ALG1L2: variants seen among roughly 807,000 people sequenced by gnomAD.
The protein encoded by ALG1L2 is ALG1 chitobiosyldiphosphodolichol beta-mannosyltransferase like 2.
Under a neutral mutation model 29.0 loss-of-function variants are expected in ALG1L2, and 32 were observed. That is an observed-to-expected ratio of 1.10 (90% CI 0.83 to 1.48). The LOEUF is 1.48. Among genes scored for constraint, ALG1L2 ranks in the 40% most tolerant of loss-of-function variants. The pLI is 0.00. For synonymous variants in ALG1L2, 110 were observed against 109.5 expected (o/e 1.00, Z -0.03); for missense variants, 318 against 274.1 (o/e 1.16, Z -1.13).
chr3:130,085,244 G>T (rs1304666805), intron 1 of ALG1L2, among the ~76,000 whole-genome samples: 96 of 146,642 alleles, frequency 6.5e-4, no homozygotes, highest in Admixed American at 1.8e-3. Flanking sequence ...ACAGACGTGA[G>T]CCACCGCACC....
At chr3:130,090,525 A>G (rs1934993531) in intron 1 of ALG1L2, among the ~76,000 whole-genome samples, 1 of 152,302 alleles carries the variant, frequency 6.6e-6, no homozygotes, top group South Asian at 2.1e-4. Context: ...AGATATTGTG[A>G]GATAATGCTC....
intron 4 of ALG1L2, 33 bp downstream of exon 4, chr3:130,093,193 TG>T: frequency 6.3e-7 from 1 of 1,599,580 alleles, no homozygotes; most frequent in Non-Finnish European, 8.5e-7. Context: ...TCTGTTTGGT[TG>T]GGGGATGGTG....
chr3:130,094,630 C>T, intron 5 of ALG1L2, 117 bp downstream of exon 5: 2 of 1,168,362 alleles, frequency 1.7e-6, no homozygotes, highest in East Asian at 2.6e-5. Flanking sequence ...GGGACAGGAC[C>T]TGGGCTCTAG....
chr3:130,094,876 C>T (rs1178507996), intron 5 of ALG1L2, among the ~76,000 whole-genome samples: 1 of 152,222 alleles, frequency 6.6e-6, no homozygotes, highest in Non-Finnish European at 1.5e-5. Context: ...GACAGCGTCG[C>T]CTCACCAGTG....
At chr3:130,098,149 G>A (rs530821279) in intron 7 of ALG1L2, 74 bp from the exon 8 acceptor site, 215 of 1,585,610 alleles carry the variant, frequency 1.4e-4, no homozygotes, top group Middle Eastern at 2.3e-4. Flanking sequence ...TTGTTGGGTC[G>A]GGGAGCTGGG....
intron 3 of ALG1L2, among the ~76,000 whole-genome samples, 173 bp from the exon 4 acceptor site, chr3:130,092,928 G>A (rs1292629200): frequency 1.3e-5 from 2 of 151,758 alleles, no homozygotes; most frequent in South Asian, 4.2e-4. Flanking sequence ...TACTTGGGAG[G>A]CTGATGCACG....
chr3:130,084,162 TGAG>T (rs376040624), intron 1 of ALG1L2, among the ~76,000 whole-genome samples: 215 of 150,042 alleles, frequency 1.4e-3, no homozygotes, highest in Non-Finnish European at 2.7e-3. Context: ...AAGCAGACAT[TGAG>T]GAGATGGGAC....
At chr3:130,085,943 C>A (rs1163332528) in intron 1 of ALG1L2, among the ~76,000 whole-genome samples, 1 of 151,460 alleles carries the variant, frequency 6.6e-6, no homozygotes, top group Non-Finnish European at 1.5e-5. Flanking sequence ...AGTGACACAT[C>A]CTGATAATGT....
intron 4 of ALG1L2, chr3:130,093,822 G>A: frequency 6.1e-6 from 1 of 162,932 alleles, no homozygotes; most frequent in Non-Finnish European, 1.3e-5. Flanking sequence ...GATTCAGTGA[G>A]GAGGGAGAAA....
chr3:130,094,484 T>C lies in ALG1L2; in HGVS notation c.395T>C (p.Leu132Pro). 1 of 1,588,536 alleles carries C rather than the reference T, an allele frequency of 6.3e-7. No individual in the cohort carries two copies. Among genetic ancestry groups the C allele is most frequent in the Non-Finnish European group, 8.5e-7 (1 of 1,178,080 alleles). The part of the protein sequence containing the change: ...FQHIQVCIPW[L>P]EGRGLPPLLG... The stretch of plus-strand genomic sequence containing the variant: ...CACATCCAGGTCTGCATCCCCTGGC[T>C]GGAGGGCCGAGGACTACCCCCGCTT... The change falls in exon 5 of 8, where the codon CTG (leucine) becomes CCG (proline). Residue 132 changes from leucine (L) to proline (P), a missense_variant. Leu to Pro is a moderately conservative substitution (Grantham distance 98). Transcript: ENST00000425059.
chr3:130,088,934 C>G (rs1398474214), intron 1 of ALG1L2, among the ~76,000 whole-genome samples: 1 of 152,288 alleles, frequency 6.6e-6, no homozygotes, highest in Non-Finnish European at 1.5e-5. Flanking sequence ...ATACAGTAAC[C>G]CTTACATCCC....
chr3:130,086,258 A>G (rs978462978), intron 1 of ALG1L2, among the ~76,000 whole-genome samples: 1 of 151,158 alleles, frequency 6.6e-6, no homozygotes, highest in Non-Finnish European at 1.5e-5. Flanking sequence ...GGAAGCATCA[A>G]ATGGGTTCTG....
chr3:130,092,889 G>C (rs1935047611), intron 3 of ALG1L2, among the ~76,000 whole-genome samples: 1 of 152,046 alleles, frequency 6.6e-6, no homozygotes, highest in South Asian at 2.1e-4. Context: ...AATTAGCTAG[G>C]TATGGTGGTG....
intron 5 of ALG1L2, among the ~76,000 whole-genome samples, chr3:130,095,458 G>A (rs111717650): frequency 0.35 from 50,820 of 147,010 alleles, 9,207 homozygotes; most frequent in Middle Eastern, 0.5. Flanking sequence ...ATTTTGAGAC[G>A]GAGTTTCGCT....
intron 4 of ALG1L2, 74 bp from the exon 5 acceptor site, chr3:130,094,329 G>A: frequency 6.5e-7 from 1 of 1,529,928 alleles, no homozygotes. Flanking sequence ...TCCTAGGGGG[G>A]AGTGTCTTGG....
In ALG1L2 at chr3:130,096,254, G is replaced by GC. The variant is rs1358597748; in HGVS notation, c.539+94dup. Reference sequence around the variant, plus strand: ...TGCAGAGTGAGCTGCCCACAGTGAGGCCCTGCCCCTCGGTCAGTCCAGCAC... The same window carrying GC: ...TGCAGAGTGAGCTGCCCACAGTGAGGCCCCTGCCCCTCGGTCAGTCCAGCAC... On this transcript the variant is annotated intron_variant, in intron 6 of 7. Transcript: ENST00000425059. The GC allele has an allele frequency of 2.4e-5, 35 of 1,459,136 alleles. No individual in the cohort carries two copies. The African/African-American group carries it at 4.9e-4, about 20-fold the overall frequency. The allele number at this position is 1,459,136 out of a possible 1,614,324, so 90.4% of individuals were successfully genotyped here.
chr3:130,093,391 G>T (rs1307367645), intron 4 of ALG1L2, among the ~76,000 whole-genome samples: 1 of 151,456 alleles, frequency 6.6e-6, no homozygotes, highest in Admixed American at 6.6e-5. Context: ...TACTTTTTCA[G>T]TAGTTTCCAA....
chr3:130,091,055 C>A, intron 1 of ALG1L2: 1 of 576,030 alleles, frequency 1.7e-6, no homozygotes, highest in South Asian at 2.0e-5. Flanking sequence ...TGGCACTCCA[C>A]TTAAGTTTCC....
chr3:130,092,974 G>A, intron 3 of ALG1L2, 127 bp from the exon 4 acceptor site: 2 of 948,718 alleles, frequency 2.1e-6, no homozygotes, highest in Admixed American at 2.8e-5. Context: ...AGGTTGCAGT[G>A]AGCTGAGATC....
Sources: gnomAD v4.1 joint callset for allele counts (sites outside exome capture counted in the v4.1 genomes callset) on GRCh38, gnomAD v4.1.1 for gene constraint, MANE v1.5 for transcripts, NCBI Gene and HGNC (gene_info 2026-07-23, HGNC 2026-07-21) for gene names.